Variants in KCNQ5 observed in about 807,000 individuals in gnomAD.
KCNQ5 encodes the protein potassium voltage-gated channel subfamily Q member 5.
A neutral mutation model predicts 98.2 loss-of-function variants in KCNQ5; 30 were observed. The ratio of observed to expected loss-of-function variants is 0.31; its 90% CI spans 0.23 to 0.41. The LOEUF is 0.41. Among genes scored for constraint, KCNQ5 ranks in the 10% least tolerant of loss-of-function variants. KCNQ5 has a pLI of 1.00. For synonymous variants in KCNQ5, 458 were observed against 449.4 expected, an observed-to-expected ratio of 1.02 and a Z score of -0.24; for missense variants, 835 against 1,182.5, an observed-to-expected ratio of 0.71 and a Z score of 4.31.
chr6:72,818,386 C>T (rs1031989941), intron 1 of KCNQ5, among the ~76,000 whole-genome samples: 17 of 152,066 alleles, frequency 1.1e-4, no homozygotes, highest in African/African-American at 2.6e-4. Context: ...TTTTTAAAAA[C>T]GATTTTTCAC....
At chr6:72,751,254 C>G (rs1261315463) in intron 1 of KCNQ5, among the ~76,000 whole-genome samples, 1 of 150,828 alleles carries the variant, frequency 6.6e-6, no homozygotes, top group Admixed American at 6.6e-5. Context: ...AAGGCATGGA[C>G]TCAAGAAAGT....
chr6:72,880,604 G>A (rs1778600979), intron 1 of KCNQ5, among the ~76,000 whole-genome samples: 1 of 152,148 alleles, frequency 6.6e-6, no homozygotes, highest in African/African-American at 2.4e-5. Context: ...AGACATATGT[G>A]TGTATCTGTT....
chr6:72,964,349 T>G (rs533458892), intron 1 of KCNQ5, among the ~76,000 whole-genome samples: 7 of 152,332 alleles, frequency 4.6e-5, no homozygotes, highest in African/African-American at 1.7e-4. Flanking sequence ...TAATCAATAG[T>G]AGGAACAAGC....
intron 1 of KCNQ5, among the ~76,000 whole-genome samples, chr6:72,717,020 T>C (rs907451171): frequency 1.6e-4 from 25 of 152,296 alleles, no homozygotes; most frequent in African/African-American, 6.0e-4. Context: ...GTGATAATAA[T>C]TCTCAAAGAT....
At chr6:72,863,925 C>G (rs890681064) in intron 1 of KCNQ5, among the ~76,000 whole-genome samples, 2 of 152,264 alleles carry the variant, frequency 1.3e-5, no homozygotes, top group South Asian at 2.1e-4. Context: ...TTTGACCACC[C>G]CTTTCCCCTA....
chr6:72,668,387 G>A (rs1766933833), intron 1 of KCNQ5, among the ~76,000 whole-genome samples: 1 of 152,154 alleles, frequency 6.6e-6, no homozygotes, highest in Non-Finnish European at 1.5e-5. Context: ...ACAGTTTGGT[G>A]AGAGCAATGA....
chr6:73,097,927 AT>A (rs1774585587), intron 5 of KCNQ5, among the ~76,000 whole-genome samples: 1 of 152,294 alleles, frequency 6.6e-6, no homozygotes, highest in South Asian at 2.1e-4. Context: ...ACAAGCCCAG[AT>A]TACAAAGACT....
At chr6:73,157,900 G>A (rs1777432639) in intron 10 of KCNQ5, 4 of 776,364 alleles carry the variant, frequency 5.2e-6, no homozygotes, top group Non-Finnish European at 9.6e-6. Context: ...ATTTTTGGCC[G>A]CTTCTGCTCC....
At chr6:72,678,196 A>G (rs1767516183) in intron 1 of KCNQ5, among the ~76,000 whole-genome samples, 1 of 152,206 alleles carries the variant, frequency 6.6e-6, no homozygotes, top group African/African-American at 2.4e-5. Context: ...TGCTAGGAGA[A>G]GAAATAATCC....
In KCNQ5 at chr6:73,195,451, G is replaced by A. The variant is rs776586478; in HGVS notation, c.*37G>A. 3.1e-6 allele frequency: 5 copies of A among 1,595,054 alleles called. No individual in the cohort carries two copies. In the African/African-American group the frequency reaches 6.7e-5, roughly 21 times the overall value. On this transcript the variant is annotated 3_prime_UTR_variant, in exon 14 of 14. Coordinates refer to ENST00000370398, the MANE Select transcript of KCNQ5 (RefSeq NM_019842.4). ...TCTTTCCAGGCATAGCAGTTCTTTA[G>A]CCATACATATCATTGCATGAACTAT...
chr6:72,688,988 A>G (rs1685876844), intron 1 of KCNQ5, among the ~76,000 whole-genome samples: 1 of 152,224 alleles, frequency 6.6e-6, no homozygotes, highest in South Asian at 2.1e-4. Flanking sequence ...AAAACATTAT[A>G]GCTATAAAAA....
At chr6:73,087,239 A>G (rs1041355155) in intron 5 of KCNQ5, among the ~76,000 whole-genome samples, 3 of 152,184 alleles carry the variant, frequency 2.0e-5, no homozygotes, top group Non-Finnish European at 4.4e-5. Context: ...AAAGACAGAG[A>G]AAAGGGGGTG....
intron 1 of KCNQ5, among the ~76,000 whole-genome samples, chr6:72,718,675 T>C (rs1246452586): frequency 6.6e-6 from 1 of 151,984 alleles, no homozygotes. Flanking sequence ...GGTCTCAATC[T>C]CTTGACCTCG....
At chr6:72,926,914 A>C (rs771580193) in intron 1 of KCNQ5, among the ~76,000 whole-genome samples, 13 of 152,168 alleles carry the variant, frequency 8.5e-5, no homozygotes, top group Non-Finnish European at 1.8e-4. Context: ...TTTCTCAGAA[A>C]GGTGTCTCAG....
intron 1 of KCNQ5, among the ~76,000 whole-genome samples, chr6:72,883,516 G>A (rs1581953570): frequency 6.6e-6 from 1 of 152,054 alleles, no homozygotes; most frequent in Non-Finnish European, 1.5e-5. Context: ...TTTAAGAAAA[G>A]AAATAAAAAG....
intron 1 of KCNQ5, among the ~76,000 whole-genome samples, chr6:72,951,149 A>G (rs561080148): frequency 6.6e-6 from 1 of 152,318 alleles, no homozygotes; most frequent in East Asian, 1.9e-4. Flanking sequence ...TATTGTCCCA[A>G]TGATCAGGAT....
intron 1 of KCNQ5, among the ~76,000 whole-genome samples, chr6:72,631,751 G>T (rs2098920900): frequency 6.6e-6 from 1 of 152,212 alleles, no homozygotes; most frequent in African/African-American, 2.4e-5. Context: ...ATAAAAGGGA[G>T]ATTGGACACT....
At chr6:72,919,984 C>T (rs548397582) in intron 1 of KCNQ5, among the ~76,000 whole-genome samples, 223 of 152,134 alleles carry the variant, frequency 1.5e-3, no homozygotes, top group Non-Finnish European at 2.7e-3. Flanking sequence ...TGTCTTGCAG[C>T]GGCACTGCCT....
In KCNQ5 at chr6:73,190,633, A is replaced by C. The variant is rs753762620; in HGVS notation, c.1638A>C (p.Val546=). 3.1e-5 allele frequency: 49 copies of C among 1,590,500 alleles called. No homozygotes were observed. Among genetic ancestry groups the C allele is most frequent in the Middle Eastern group, 1.7e-4 (1 of 6,014 alleles). The change falls in exon 12 of 14, where the codon GTA becomes GTC. Residue 546 remains valine (V), a synonymous_variant. Coordinates refer to ENST00000370398, the MANE Select transcript of KCNQ5 (RefSeq NM_019842.4). ...KFKETLRPYD[V]KDVIEQYSAG... is the part of the protein sequence containing the mutation. ...AGGAAACATTACGTCCATATGATGTAAAAGATGTCATTGAACAATATTCTG... is the reference window on the plus strand; with the variant it reads ...AGGAAACATTACGTCCATATGATGTCAAAGATGTCATTGAACAATATTCTG...
Sources: allele counts gnomAD v4.1 joint callset (sites outside exome capture counted in the v4.1 genomes callset), GRCh38; gene constraint gnomAD v4.1.1; transcripts MANE v1.5; gene names NCBI Gene and HGNC (gene_info 2026-07-23, HGNC 2026-07-21).